The following HS6ST3 variants were observed in gnomAD, a reference collection of about 807,000 sequenced individuals.
HS6ST3 encodes the protein heparan-sulfate 6-O-sulfotransferase 3.
Under a neutral mutation model 36.7 loss-of-function variants are expected in HS6ST3, and 12 were observed. The ratio of observed to expected loss-of-function variants is 0.33; its 90% confidence interval spans 0.21 to 0.53. HS6ST3 has a LOEUF of 0.53. HS6ST3 is among the 20% of genes least tolerant of loss of function. The probability of loss-of-function intolerance (pLI) is 0.95; values close to 1 mark genes in which losing one functional copy is unlikely to be tolerated. For missense variants in HS6ST3, 584 were observed against 640.9 expected (o/e 0.91, Z 0.96); for synonymous variants, 240 against 257.5 (o/e 0.93, Z 0.65).
At chr13:96,142,299 A>C (rs937926504) in intron 1 of HS6ST3, among the ~76,000 whole-genome samples, 1 of 152,318 alleles carries the variant, frequency 6.6e-6, no homozygotes. Context: ...TTTAAAGGTA[A>C]TTGTACATTT....
chr13:96,424,618 G>T (rs924966191), intron 1 of HS6ST3, among the ~76,000 whole-genome samples: 1 of 152,128 alleles, frequency 6.6e-6, no homozygotes, highest in Non-Finnish European at 1.5e-5. Context: ...CCCACTTCCT[G>T]GTTCGTAGAT....
chr13:96,314,455 A>G (rs957924855), intron 1 of HS6ST3, among the ~76,000 whole-genome samples: 32 of 152,226 alleles, frequency 2.1e-4, no homozygotes, highest in Middle Eastern at 3.2e-3. Flanking sequence ...CTATCCCATC[A>G]TCAGAAAGAA....
intron 1 of HS6ST3, among the ~76,000 whole-genome samples, chr13:96,767,720 A>G (rs1323807256): frequency 2.6e-5 from 4 of 152,232 alleles, no homozygotes. Flanking sequence ...GGATGAAGAA[A>G]TTAGACTGGG....
intron 1 of HS6ST3, among the ~76,000 whole-genome samples, chr13:96,752,729 C>T (rs952384750): frequency 1.3e-5 from 2 of 151,532 alleles, no homozygotes; most frequent in African/African-American, 2.4e-5. Context: ...TAAATATTTT[C>T]CCCTAGTTTG....
intron 1 of HS6ST3, among the ~76,000 whole-genome samples, chr13:96,179,855 C>T (rs1038419094): frequency 1.3e-4 from 20 of 152,054 alleles, no homozygotes; most frequent in Admixed American, 1.0e-3. Flanking sequence ...TTAGAGATGG[C>T]GTCTCACTCT....
chr13:96,779,725 T>C (rs1330769751), intron 1 of HS6ST3, among the ~76,000 whole-genome samples: 1 of 151,856 alleles, frequency 6.6e-6, no homozygotes, highest in East Asian at 1.9e-4. Context: ...CTCATGGCTC[T>C]TTGGCTTTGG....
intron 1 of HS6ST3, among the ~76,000 whole-genome samples, chr13:96,107,411 C>A (rs946463064): frequency 6.6e-6 from 1 of 152,052 alleles, no homozygotes; most frequent in Non-Finnish European, 1.5e-5. Flanking sequence ...ATGGGTTATC[C>A]ATGAGAATAT....
intron 1 of HS6ST3, among the ~76,000 whole-genome samples, chr13:96,245,468 G>A (rs927003607): frequency 2.0e-5 from 3 of 152,150 alleles, no homozygotes; most frequent in African/African-American, 7.2e-5. Context: ...CATTCATGGT[G>A]TCTACTTTCT....
intron 1 of HS6ST3, among the ~76,000 whole-genome samples, chr13:96,379,951 C>T (rs1233257951): frequency 1.3e-5 from 2 of 152,080 alleles, no homozygotes; most frequent in African/African-American, 2.4e-5. Context: ...AATTCTAAAA[C>T]CAGTTTCTAT....
intron 1 of HS6ST3, among the ~76,000 whole-genome samples, chr13:96,200,236 C>A (rs2139350985): frequency 6.6e-6 from 1 of 152,332 alleles, no homozygotes; most frequent in African/African-American, 2.4e-5. Context: ...CTGCCCATTT[C>A]ACTCACAGTA....
At chr13:96,494,569 AC>A (rs2055964952) in intron 1 of HS6ST3, among the ~76,000 whole-genome samples, 1 of 151,930 alleles carries the variant, frequency 6.6e-6, no homozygotes, top group African/African-American at 2.4e-5. Context: ...ACCACGATGT[AC>A]CTACTTAATC....
intron 1 of HS6ST3, among the ~76,000 whole-genome samples, chr13:96,379,254 G>A (rs2055329047): frequency 7.9e-5 from 12 of 152,156 alleles, no homozygotes; most frequent in Admixed American, 7.2e-4. Flanking sequence ...CAAACTTCAT[G>A]CGTTGAAATC....
At chr13:96,535,784 G>A (rs375645021) in intron 1 of HS6ST3, among the ~76,000 whole-genome samples, 6 of 152,100 alleles carry the variant, frequency 3.9e-5, no homozygotes, top group African/African-American at 1.4e-4. Context: ...AGAATCAGTG[G>A]GTTTGGGTGA....
At chr13:96,331,859 C>T (rs2055070892) in intron 1 of HS6ST3, among the ~76,000 whole-genome samples, 1 of 152,228 alleles carries the variant, frequency 6.6e-6, no homozygotes, top group Non-Finnish European at 1.5e-5. Flanking sequence ...ACCCTCCGAG[C>T]CAGGTGCCGG....
intron 1 of HS6ST3, among the ~76,000 whole-genome samples, chr13:96,570,239 T>C (rs1167676328): frequency 6.6e-6 from 1 of 152,204 alleles, no homozygotes; most frequent in East Asian, 1.9e-4. Context: ...AATTGTGAAA[T>C]GTTATAGTCT....
At chr13:96,100,685 A>G (rs1382577442) in intron 1 of HS6ST3, among the ~76,000 whole-genome samples, 2 of 152,136 alleles carry the variant, frequency 1.3e-5, no homozygotes, top group East Asian at 3.9e-4. Context: ...CCACCTGTCC[A>G]TTTCCTCCTA....
intron 1 of HS6ST3, among the ~76,000 whole-genome samples, chr13:96,202,278 T>G (rs574251044): frequency 1.3e-5 from 2 of 152,312 alleles, no homozygotes; most frequent in South Asian, 4.1e-4. Flanking sequence ...GGGAAATGTA[T>G]TTTTCTTATT....
chr13:96,216,654 G>A (rs1319712327), intron 1 of HS6ST3, among the ~76,000 whole-genome samples: 1 of 152,116 alleles, frequency 6.6e-6, no homozygotes, highest in Non-Finnish European at 1.5e-5. Context: ...GCAGGGACGA[G>A]TGAAGTGGTT....
At chr13:96,655,401 G>A (rs994494391) in intron 1 of HS6ST3, among the ~76,000 whole-genome samples, 2 of 152,058 alleles carry the variant, frequency 1.3e-5, no homozygotes, top group Non-Finnish European at 1.5e-5. Flanking sequence ...CCAGGAGGGG[G>A]ATTGCAATAG....
Sources: gnomAD v4.1 joint callset for allele counts (sites outside exome capture counted in the v4.1 genomes callset) on GRCh38, gnomAD v4.1.1 for gene constraint, MANE v1.5 for transcripts, NCBI Gene and HGNC (gene_info 2026-07-23, HGNC 2026-07-21) for gene names.